The following UST variants were observed in gnomAD, a reference collection of about 807,000 sequenced individuals.
The protein encoded by UST is uronyl 2-sulfotransferase.
UST carries 21 observed loss-of-function variants against 45.6 expected under a neutral mutation model. That is an observed-to-expected ratio of 0.46 (90% CI 0.33 to 0.66). UST has a LOEUF of 0.66. Ranked by LOEUF, UST falls within the 30% of genes least tolerant of loss-of-function variation. The probability of loss-of-function intolerance (pLI) is 0.02; values close to 1 mark genes in which losing one functional copy is unlikely to be tolerated. For synonymous variants in UST, 215 were observed against 200.6 expected (o/e 1.07, Z -0.61); for missense variants, 463 against 512.4 (o/e 0.90, Z 0.93).
intron 7 of UST, among the ~76,000 whole-genome samples, chr6:149,025,204 C>G (rs1776033433): frequency 6.6e-6 from 1 of 152,202 alleles, no homozygotes; most frequent in East Asian, 1.9e-4. Flanking sequence ...TAACCTTTCT[C>G]AATAACAGCG....
intron 1 of UST, among the ~76,000 whole-genome samples, chr6:148,883,453 A>G (rs1284363266): frequency 6.6e-6 from 1 of 152,336 alleles, no homozygotes; most frequent in East Asian, 1.9e-4. Flanking sequence ...GGAAACATTG[A>G]GTATTCTACA....
At chr6:148,931,360 A>G (rs1779918333) in intron 2 of UST, among the ~76,000 whole-genome samples, 1 of 152,246 alleles carries the variant, frequency 6.6e-6, no homozygotes, top group South Asian at 2.1e-4. Flanking sequence ...AAAAGTGTCT[A>G]TGCATGTTTT....
chr6:148,820,951 GTATT>G (rs1442343498), intron 1 of UST, among the ~76,000 whole-genome samples: 2 of 143,998 alleles, frequency 1.4e-5, no homozygotes, highest in Non-Finnish European at 3.0e-5. Context: ...TTGTCATGTA[GTATT>G]TTTTTTTAAT....
chr6:149,021,302 A>G, intron 6 of UST, 22 bp from the exon 7 acceptor site: 3 of 1,570,304 alleles, frequency 1.9e-6, no homozygotes, highest in Non-Finnish European at 2.6e-6. Context: ...CTGATTTTAA[A>G]TAAATTTTTA....
At chr6:148,782,495 G>A (rs1480367590) in intron 1 of UST, among the ~76,000 whole-genome samples, 1 of 151,864 alleles carries the variant, frequency 6.6e-6, no homozygotes, top group Non-Finnish European at 1.5e-5. Flanking sequence ...CTGTCACCCA[G>A]GCTGGAGTGC....
chr6:148,787,194 G>A (rs1776749012), intron 1 of UST, among the ~76,000 whole-genome samples: 1 of 152,104 alleles, frequency 6.6e-6, no homozygotes, highest in South Asian at 2.1e-4. Context: ...CTGTGCAGAA[G>A]CTCTTTAGTT....
intron 1 of UST, among the ~76,000 whole-genome samples, chr6:148,860,403 G>A (rs1778287590): frequency 6.6e-6 from 1 of 152,306 alleles, no homozygotes; most frequent in South Asian, 2.1e-4. Flanking sequence ...GGGCTGAGAT[G>A]ATGGGGTTTT....
chr6:148,792,067 G>A (rs1303747938), intron 1 of UST, among the ~76,000 whole-genome samples: 1 of 152,198 alleles, frequency 6.6e-6, no homozygotes, highest in African/African-American at 2.4e-5. Flanking sequence ...GTGGGTCTGA[G>A]AAGAGGGGAC....
At chr6:148,783,172 T>G (rs1776675315) in intron 1 of UST, among the ~76,000 whole-genome samples, 1 of 152,228 alleles carries the variant, frequency 6.6e-6, no homozygotes, top group African/African-American at 2.4e-5. Flanking sequence ...TTTTAGCAAT[T>G]AAGCATTTAC....
intron 2 of UST, among the ~76,000 whole-genome samples, chr6:148,900,367 C>G (rs762404750): frequency 6.6e-6 from 1 of 152,158 alleles, no homozygotes; most frequent in African/African-American, 2.4e-5. Flanking sequence ...ATAATCCCCA[C>G]GTGTTGTGGG....
At chr6:148,891,616 G>A (rs930499958) in intron 2 of UST, among the ~76,000 whole-genome samples, 3 of 152,130 alleles carry the variant, frequency 2.0e-5, no homozygotes, top group Non-Finnish European at 1.5e-5. Flanking sequence ...GCCCAGGGCT[G>A]TGTATAGCTC....
chr6:148,857,190 A>G lies in UST; in HGVS notation c.248-29796A>G, dbSNP rs1778222016. Among the ~76,000 whole-genome samples the G allele has an allele frequency of 1.3e-5, 2 of 152,108 alleles. 1 individual carries two copies. The highest frequency in any genetic ancestry group is 4.1e-4 in the South Asian group (2 of 4,832). On this transcript the variant is annotated intron_variant, in intron 1 of 7. Coordinates refer to ENST00000367463, the MANE Select transcript of UST (RefSeq NM_005715.3). ...AACTTGGCTTCAACTGTGAATTTTC[A>G]CCACAAGCTCTGCAACAAATTGTAG...
chr6:148,949,305 A>C (rs1207894167), intron 3 of UST, among the ~76,000 whole-genome samples: 1 of 58,452 alleles, frequency 1.7e-5, no homozygotes, highest in African/African-American at 4.7e-5. Flanking sequence ...TAATAATAAT[A>C]ATAATAATAA....
intron 1 of UST, among the ~76,000 whole-genome samples, chr6:148,872,031 C>T (rs139983748): frequency 2.0e-5 from 3 of 152,196 alleles, no homozygotes; most frequent in Non-Finnish European, 1.5e-5. Flanking sequence ...TTTTTCTGTT[C>T]TGAAATCGTG....
chr6:148,822,904 A>G (rs1242726576), intron 1 of UST, among the ~76,000 whole-genome samples: 1 of 152,250 alleles, frequency 6.6e-6, no homozygotes, highest in Admixed American at 6.5e-5. Context: ...AATAAATTAA[A>G]TAACCTAACC....
intron 1 of UST, among the ~76,000 whole-genome samples, chr6:148,754,828 C>T (rs529897468): frequency 2.6e-5 from 4 of 152,184 alleles, no homozygotes; most frequent in South Asian, 2.1e-4. Flanking sequence ...GTGTTAAGTA[C>T]GGTACCTGGG....
chr6:148,927,877 A>G (rs993938753), intron 2 of UST, among the ~76,000 whole-genome samples: 6 of 152,356 alleles, frequency 3.9e-5, no homozygotes, highest in Non-Finnish European at 8.8e-5. Flanking sequence ...AAGGCTAAAA[A>G]TTCAAAATGT....
chr6:148,820,162 C>G (rs1254799832), intron 1 of UST, among the ~76,000 whole-genome samples: 1 of 152,160 alleles, frequency 6.6e-6, no homozygotes, highest in Non-Finnish European at 1.5e-5. Context: ...ATACTAAAAT[C>G]CTCTAATCTT....
intron 1 of UST, among the ~76,000 whole-genome samples, chr6:148,850,977 A>T (rs1273779090): frequency 6.6e-6 from 1 of 152,170 alleles, no homozygotes; most frequent in Non-Finnish European, 1.5e-5. Flanking sequence ...TCTGCCTTTG[A>T]AACTCCCCAT....
Sources: allele counts gnomAD v4.1 joint callset (sites outside exome capture counted in the v4.1 genomes callset), GRCh38; gene constraint gnomAD v4.1.1; transcripts MANE v1.5; gene names NCBI Gene and HGNC (gene_info 2026-07-23, HGNC 2026-07-21).